Variants in CHLSN observed in about 807,000 individuals in gnomAD.
CHLSN encodes cholesin.
the CHLSN span, among the ~76,000 whole-genome samples, chr7:986,186 T>G: frequency 6.6e-6 from 1 of 152,040 alleles, no homozygotes; most frequent in Non-Finnish European, 1.5e-5. Flanking sequence ...GCACGAGGTG[T>G]GGCGGGGCTG....
the CHLSN span, among the ~76,000 whole-genome samples, chr7:1,064,000 G>A: frequency 3.3e-5 from 5 of 151,886 alleles, no homozygotes; most frequent in African/African-American, 1.2e-4. Context: ...GGGGCAGGGG[G>A]ACTAGCCACA....
the CHLSN span, among the ~76,000 whole-genome samples, chr7:1,038,916 G>A: frequency 0.052 from 3,230 of 62,480 alleles, 535 homozygotes; most frequent in African/African-American, 0.15. Context: ...CAGCCGCCCC[G>A]TCTGGGAGGT....
chr7:1,016,547 GCCAGCGCACAGCAGCGCACA>G, the CHLSN span, among the ~76,000 whole-genome samples: 25 of 103,386 alleles, frequency 2.4e-4, no homozygotes, highest in African/African-American at 1.1e-3. Flanking sequence ...AGCAGCGCAC[GCCAGCGCACAGCAGCGCACA>G]CCAGTACACA....
At chr7:984,634 G>T in the CHLSN span, 3 of 1,511,978 alleles carry the variant, frequency 2.0e-6, no homozygotes, top group South Asian at 2.5e-5. Flanking sequence ...GACCCCAGGA[G>T]GGGTGGGGGC....
At chr7:1,114,747 T>C in the CHLSN span, among the ~76,000 whole-genome samples, 1 of 152,134 alleles carries the variant, frequency 6.6e-6, no homozygotes, top group Non-Finnish European at 1.5e-5. Flanking sequence ...AACCGCGGGG[T>C]GAGCCAGGGC....
At chr7:1,132,736 GA>G in the CHLSN span, among the ~76,000 whole-genome samples, 3 of 142,622 alleles carry the variant, frequency 2.1e-5, no homozygotes, top group Non-Finnish European at 1.5e-5. Flanking sequence ...CATAGTATTG[GA>G]GAAAATACCT....
At chr7:1,011,666 A>T in the CHLSN span, among the ~76,000 whole-genome samples, 1 of 145,096 alleles carries the variant, frequency 6.9e-6, no homozygotes, top group Non-Finnish European at 1.5e-5. Flanking sequence ...ACCCAAACAC[A>T]CCCAGAGACA....
At chr7:1,011,020 G>C in the CHLSN span, among the ~76,000 whole-genome samples, 1 of 151,612 alleles carries the variant, frequency 6.6e-6, no homozygotes, top group Non-Finnish European at 1.5e-5. Context: ...GGAGAGCAAA[G>C]AAGAGTGAGG....
chr7:1,031,391 CGGG>C, the CHLSN span, among the ~76,000 whole-genome samples: 10 of 74,198 alleles, frequency 1.3e-4, no homozygotes, highest in East Asian at 5.8e-4. Flanking sequence ...CAGAGTGGTC[CGGG>C]GGGGCAGAGA....
At chr7:993,209 G>A in the CHLSN span, among the ~76,000 whole-genome samples, 1 of 152,064 alleles carries the variant, frequency 6.6e-6, no homozygotes. Flanking sequence ...AGACAGGGCA[G>A]GGGGACGGCA....
the CHLSN span, among the ~76,000 whole-genome samples, chr7:1,008,860 C>CGTAAACACAT: frequency 6.4e-3 from 972 of 150,902 alleles, 11 homozygotes; most frequent in African/African-American, 0.023. Flanking sequence ...CGTAAACACA[C>CGTAAACACAT]GCACACACGT....
At chr7:1,122,586 T>C in the CHLSN span, among the ~76,000 whole-genome samples, 92,251 of 152,128 alleles carry the variant, frequency 0.61, 29,698 homozygotes, top group African/African-American at 0.83. Context: ...CCTCCCACCA[T>C]GTCCGCCGAC....
At chr7:981,127 C>G in the CHLSN span, among the ~76,000 whole-genome samples, 1 of 151,854 alleles carries the variant, frequency 6.6e-6, no homozygotes, top group African/African-American at 2.4e-5. Context: ...AAAACCCCAT[C>G]TCTACTAAAA....
chr7:1,122,565 G>A, the CHLSN span, among the ~76,000 whole-genome samples: 15 of 152,150 alleles, frequency 9.9e-5, no homozygotes, highest in Admixed American at 6.5e-4. Flanking sequence ...AAGACCTGCC[G>A]AGTCACATGA....
chr7:1,006,951 G>A, the CHLSN span, among the ~76,000 whole-genome samples: 1 of 152,200 alleles, frequency 6.6e-6, no homozygotes, highest in Non-Finnish European at 1.5e-5. Context: ...AACAGCCCAG[G>A]GTATGGTCAC....
the CHLSN span, among the ~76,000 whole-genome samples, chr7:1,006,537 A>ACGACGGCCACAGCGCAGGGAAAGAGCG: frequency 0.038 from 1,985 of 52,558 alleles, 484 homozygotes; most frequent in Middle Eastern, 0.085. Flanking sequence ...GGGAAAGAGC[A>ACGACGGCCACAGCGCAGGGAAAGAGCG]CACGACGGCC....
chr7:1,006,646 A>C, the CHLSN span, among the ~76,000 whole-genome samples: 5 of 146,262 alleles, frequency 3.4e-5, no homozygotes, highest in Non-Finnish European at 1.5e-5. Context: ...CAGCGCGGGG[A>C]AAGAGCGCAC....
At chr7:981,277 C>T in the CHLSN span, among the ~76,000 whole-genome samples, 2 of 139,144 alleles carry the variant, frequency 1.4e-5, no homozygotes, top group African/African-American at 5.5e-5. Context: ...GCCTGGATGA[C>T]GAGAGTGAGA....
the CHLSN span, among the ~76,000 whole-genome samples, chr7:1,056,990 G>A: frequency 2.0e-5 from 3 of 152,088 alleles, no homozygotes; most frequent in Non-Finnish European, 4.4e-5. Context: ...CGACCCACAG[G>A]TCACCCTCCC....
Sources: gnomAD v4.1 joint callset for allele counts (sites outside exome capture counted in the v4.1 genomes callset) on GRCh38, gnomAD v4.1.1 for gene constraint, MANE v1.5 for transcripts, NCBI Gene and HGNC (gene_info 2026-07-23, HGNC 2026-07-21) for gene names.